KHDRBS2: variants seen among roughly 807,000 people sequenced by gnomAD.
The protein encoded by KHDRBS2 is KH domain-containing, RNA-binding, signal transduction-associated protein 2.
KHDRBS2 carries 26 observed loss-of-function variants against 44.3 expected under a neutral mutation model. The observed-to-expected ratio is 0.59, with a 90% CI of 0.43 to 0.81. The LOEUF is 0.81. Among genes scored for constraint, KHDRBS2 ranks in the 40% least tolerant of loss-of-function variants. KHDRBS2 has a pLI of 0.00. For synonymous variants in KHDRBS2, 194 were observed against 151.1 expected (o/e 1.28, Z -2.08); for missense variants, 476 against 433.1 (o/e 1.10, Z -0.88).
the KHDRBS2 span, among the ~76,000 whole-genome samples, chr6:61,669,111 A>C: frequency 3.5e-4 from 53 of 151,168 alleles, 1 homozygote; most frequent in East Asian, 9.0e-3. Context: ...AAATATAGAC[A>C]GGCATAATAT....
intron 6 of KHDRBS2, among the ~76,000 whole-genome samples, chr6:61,835,879 C>T (rs1478573213): frequency 6.6e-6 from 1 of 151,816 alleles, no homozygotes; most frequent in African/African-American, 2.4e-5. Flanking sequence ...AATCTGATGA[C>T]CATCATTTAT....
intron 3 of KHDRBS2, among the ~76,000 whole-genome samples, chr6:62,019,075 T>A (rs1410902695): frequency 2.0e-5 from 3 of 152,032 alleles, no homozygotes; most frequent in African/African-American, 7.2e-5. Context: ...TGAATCACAT[T>A]TTAGTCGTTG....
intron 6 of KHDRBS2, among the ~76,000 whole-genome samples, chr6:61,797,746 T>C (rs927752199): frequency 9.2e-4 from 139 of 151,596 alleles, no homozygotes; most frequent in African/African-American, 3.1e-3. Flanking sequence ...TGTGTGTGTG[T>C]GTGTGTGTGT....
At chr6:61,980,628 G>A (rs1773645790) in intron 3 of KHDRBS2, among the ~76,000 whole-genome samples, 1 of 152,102 alleles carries the variant, frequency 6.6e-6, no homozygotes, top group Non-Finnish European at 1.5e-5. Context: ...TAAGGCTAAG[G>A]AAACAAAAGT....
chr6:61,547,034 C>T, the KHDRBS2 span, among the ~76,000 whole-genome samples: 1 of 151,984 alleles, frequency 6.6e-6, no homozygotes, highest in South Asian at 2.1e-4. Context: ...CACCCACACT[C>T]ACTCAGATTA....
intron 3 of KHDRBS2, among the ~76,000 whole-genome samples, chr6:62,046,525 AAC>A (rs1248653781): frequency 6.6e-6 from 1 of 151,956 alleles, no homozygotes; most frequent in Non-Finnish European, 1.5e-5. Context: ...AGACCGTAAA[AAC>A]ACACAATATG....
At chr6:61,672,032 T>A in the KHDRBS2 span, among the ~76,000 whole-genome samples, 1 of 140,316 alleles carries the variant, frequency 7.1e-6, no homozygotes, top group African/African-American at 2.6e-5. Flanking sequence ...GAGTGTGATG[T>A]TCCCCTTCCT....
At chr6:61,815,229 C>T (rs1263572201) in intron 6 of KHDRBS2, among the ~76,000 whole-genome samples, 2 of 151,806 alleles carry the variant, frequency 1.3e-5, no homozygotes, top group East Asian at 3.9e-4. Context: ...CATGTATATG[C>T]TAGACGAAGG....
chr6:61,968,066 G>A (rs1214842407), intron 4 of KHDRBS2, among the ~76,000 whole-genome samples: 1 of 151,388 alleles, frequency 6.6e-6, no homozygotes, highest in Non-Finnish European at 1.5e-5. Flanking sequence ...ATTACTCAGA[G>A]AAGAGGATCT....
intron 5 of KHDRBS2, among the ~76,000 whole-genome samples, chr6:61,895,515 T>TA (rs890163933): frequency 2.2e-4 from 34 of 152,186 alleles, no homozygotes; most frequent in African/African-American, 8.2e-4. Flanking sequence ...ACTATGGTGT[T>TA]AGAGGAATAC....
intron 1 of KHDRBS2, among the ~76,000 whole-genome samples, chr6:62,273,681 C>T (rs182905584): frequency 5.9e-5 from 9 of 152,218 alleles, no homozygotes; most frequent in Admixed American, 1.3e-4. Context: ...CACCTAGATG[C>T]TAGTAAAACG....
intron 6 of KHDRBS2, among the ~76,000 whole-genome samples, chr6:61,826,318 A>G (rs1306050597): frequency 2.0e-5 from 3 of 152,126 alleles, no homozygotes; most frequent in African/African-American, 7.2e-5. Context: ...AGGAGCAGGC[A>G]CTGGCAAGAA....
At chr6:62,006,723 A>G (rs1375936641) in intron 3 of KHDRBS2, among the ~76,000 whole-genome samples, 1 of 152,100 alleles carries the variant, frequency 6.6e-6, no homozygotes, top group African/African-American at 2.4e-5. Context: ...TATAGAATGT[A>G]TAACTTTCAA....
chr6:61,777,139 G>T (rs192775759), intron 6 of KHDRBS2, among the ~76,000 whole-genome samples: 1 of 151,980 alleles, frequency 6.6e-6, no homozygotes, highest in Non-Finnish European at 1.5e-5. Context: ...AGACTGTTGG[G>T]GGGTGGGGGA....
chr6:62,032,541 T>C (rs1208429299), intron 3 of KHDRBS2, among the ~76,000 whole-genome samples: 2 of 149,390 alleles, frequency 1.3e-5, no homozygotes, highest in Non-Finnish European at 3.0e-5. Context: ...TATATATACA[T>C]ATATATTATA....
At chr6:61,795,953 TA>T (rs1195056579) in intron 6 of KHDRBS2, among the ~76,000 whole-genome samples, 1 of 152,148 alleles carries the variant, frequency 6.6e-6, no homozygotes, top group African/African-American at 2.4e-5. Flanking sequence ...GAACAAGTGA[TA>T]AAGTCCAGTA....
intron 2 of KHDRBS2, among the ~76,000 whole-genome samples, chr6:62,136,393 C>T (rs184147193): frequency 6.6e-6 from 1 of 152,260 alleles, no homozygotes; most frequent in East Asian, 1.9e-4. Flanking sequence ...GAGGCAGTTT[C>T]ACTAATTGAT....
At chr6:61,910,290 A>G (rs940141068) in intron 4 of KHDRBS2, among the ~76,000 whole-genome samples, 1 of 152,208 alleles carries the variant, frequency 6.6e-6, no homozygotes, top group African/African-American at 2.4e-5. Context: ...CAGGCTCAGA[A>G]CCAGAAAAAA....
chr6:62,193,657 A>C (rs1825051696), intron 1 of KHDRBS2, among the ~76,000 whole-genome samples: 1 of 152,044 alleles, frequency 6.6e-6, no homozygotes, highest in South Asian at 2.1e-4. Context: ...AACTGCTAAA[A>C]TGTTTTCCAA....
Sources: gnomAD v4.1 joint callset for allele counts (sites outside exome capture counted in the v4.1 genomes callset) on GRCh38, gnomAD v4.1.1 for gene constraint, MANE v1.5 for transcripts, NCBI Gene and HGNC (gene_info 2026-07-23, HGNC 2026-07-21) for gene names.